Variants in GRID1 observed in about 807,000 individuals in gnomAD.
GRID1 encodes the protein glutamate ionotropic receptor delta type subunit 1.
GRID1 carries 28 observed loss-of-function variants against 98.0 expected under a neutral mutation model. The ratio of observed to expected loss-of-function variants is 0.29; its 90% CI spans 0.21 to 0.39. The LOEUF is 0.39. GRID1 is among the 10% of genes least tolerant of loss of function. GRID1 has a pLI of 1.00. For synonymous variants in GRID1, 553 were observed against 538.5 expected (o/e 1.03, Z -0.37); for missense variants, 1,111 against 1,340.5 (o/e 0.83, Z 2.67).
intron 4 of GRID1, among the ~76,000 whole-genome samples, chr10:86,038,005 G>A (rs527427501): frequency 8.2e-4 from 125 of 152,264 alleles, no homozygotes; most frequent in Admixed American, 1.5e-3. Context: ...AATATGACTG[G>A]TGTCCTTATA....
chr10:86,157,101 G>T lies in GRID1; in HGVS notation c.521-18077C>A, dbSNP rs528187188. Among the ~76,000 whole-genome samples the T allele has an allele frequency of 1.5e-3, 225 of 152,284 alleles. 1 individual carries two copies. Among genetic ancestry groups the T allele is most frequent in the African/African-American group, 5.3e-3 (222 of 41,548 alleles). On this transcript the variant is annotated intron_variant, in intron 3 of 15. Coordinates refer to ENST00000327946, the MANE Select transcript of GRID1 (RefSeq NM_017551.3). ...CAGGACCTCTGGAAGCCTGAAGGTG[G>T]CAATAGTGAATCCACGAAACAGAGA...
chr10:86,278,068 A>C (rs1049540818), intron 2 of GRID1, among the ~76,000 whole-genome samples: 1 of 152,136 alleles, frequency 6.6e-6, no homozygotes, highest in Admixed American at 6.5e-5. Context: ...TATTCTTATC[A>C]ATAACTACTT....
At chr10:86,062,520 T>C (rs1263875074) in intron 4 of GRID1, among the ~76,000 whole-genome samples, 1 of 152,118 alleles carries the variant, frequency 6.6e-6, no homozygotes, top group Non-Finnish European at 1.5e-5. Flanking sequence ...GAAAGACTTG[T>C]ACCAGAACCC....
At chr10:85,865,912 CATAT>C (rs375258556) in intron 6 of GRID1, among the ~76,000 whole-genome samples, 3,816 of 83,042 alleles carry the variant, frequency 0.046, 130 homozygotes, top group Middle Eastern at 0.087. Context: ...TACATATATA[CATAT>C]ATATATATAT....
chr10:85,677,741 G>C (rs1477844818), intron 12 of GRID1, among the ~76,000 whole-genome samples: 1 of 152,218 alleles, frequency 6.6e-6, no homozygotes, highest in Non-Finnish European at 1.5e-5. Context: ...CTACGAAGTA[G>C]TGTTTATGAG....
At chr10:85,838,648 G>A (rs1312801132) in intron 8 of GRID1, among the ~76,000 whole-genome samples, 33 of 152,126 alleles carry the variant, frequency 2.2e-4, no homozygotes, top group Admixed American at 2.2e-3. Flanking sequence ...GCTCTTGAAG[G>A]AAGCACTAAA....
chr10:86,062,148 T>C (rs1217766006), intron 4 of GRID1, among the ~76,000 whole-genome samples: 1 of 152,180 alleles, frequency 6.6e-6, no homozygotes, highest in Non-Finnish European at 1.5e-5. Context: ...CAAAACTTTG[T>C]TGTGCTTTGC....
chr10:85,922,721 A>C (rs562879886), intron 4 of GRID1, among the ~76,000 whole-genome samples: 2 of 152,320 alleles, frequency 1.3e-5, no homozygotes, highest in African/African-American at 4.8e-5. Context: ...ATTTGCAAGG[A>C]AGGGGTGTAG....
At chr10:86,229,519 G>A (rs538468069) in intron 2 of GRID1, among the ~76,000 whole-genome samples, 6 of 152,282 alleles carry the variant, frequency 3.9e-5, no homozygotes, top group African/African-American at 9.6e-5. Context: ...GCTGAGAGCC[G>A]AGCCTGACTC....
intron 6 of GRID1, among the ~76,000 whole-genome samples, chr10:85,863,014 T>C (rs1232732275): frequency 6.6e-6 from 1 of 152,142 alleles, no homozygotes; most frequent in Admixed American, 6.5e-5. Context: ...CTTGAGCAGC[T>C]ACAATGCAAA....
At chr10:86,137,802 G>A (rs751857847) in intron 4 of GRID1, among the ~76,000 whole-genome samples, 12 of 152,196 alleles carry the variant, frequency 7.9e-5, no homozygotes, top group Non-Finnish European at 1.5e-4. Flanking sequence ...ACCACATTAA[G>A]CATTCCAAAT....
At chr10:85,737,673 T>TATATATATATATATAAATATATAA (rs1342754070) in intron 8 of GRID1, among the ~76,000 whole-genome samples, 1 of 113,054 alleles carries the variant, frequency 8.8e-6, no homozygotes, top group Non-Finnish European at 1.8e-5. Flanking sequence ...TATATATATA[T>TATATATATATATATAAATATATAA]AAACATATAT....
At chr10:86,293,625 C>A (rs758444624) in intron 2 of GRID1, among the ~76,000 whole-genome samples, 1 of 152,252 alleles carries the variant, frequency 6.6e-6, no homozygotes. Context: ...CCTGCTGCTT[C>A]CAGCACCAGG....
chr10:85,705,070 G>A (rs1488733216), intron 12 of GRID1, among the ~76,000 whole-genome samples: 10 of 152,082 alleles, frequency 6.6e-5, no homozygotes, highest in East Asian at 5.8e-4. Flanking sequence ...CTAGAGAAGC[G>A]AGAGCAAACA....
intron 4 of GRID1, among the ~76,000 whole-genome samples, chr10:86,017,303 T>C (rs1842992185): frequency 6.6e-6 from 1 of 152,210 alleles, no homozygotes; most frequent in South Asian, 2.1e-4. Flanking sequence ...CTCCATCTTC[T>C]TTCTCTGCTT....
At chr10:85,766,654 A>G (rs1462544416) in intron 8 of GRID1, among the ~76,000 whole-genome samples, 1 of 152,012 alleles carries the variant, frequency 6.6e-6, no homozygotes, top group Non-Finnish European at 1.5e-5. Flanking sequence ...AAGGATTATC[A>G]TATGAGGAGA....
intron 5 of GRID1, among the ~76,000 whole-genome samples, chr10:85,887,317 C>T (rs1181581172): frequency 6.6e-6 from 1 of 152,176 alleles, no homozygotes; most frequent in East Asian, 1.9e-4. Context: ...GAAGAAGGGG[C>T]ATCTTCTGAG....
chr10:85,777,874 C>T (rs1381265662), intron 8 of GRID1, among the ~76,000 whole-genome samples: 1 of 152,192 alleles, frequency 6.6e-6, no homozygotes, highest in Non-Finnish European at 1.5e-5. Context: ...TCATCAGACA[C>T]TCTTGTACGC....
intron 4 of GRID1, among the ~76,000 whole-genome samples, chr10:86,010,447 C>T (rs1842910675): frequency 6.6e-6 from 1 of 152,100 alleles, no homozygotes; most frequent in Admixed American, 6.5e-5. Context: ...GGCAGGGTGC[C>T]CAGGGACCAG....
Sources: allele counts gnomAD v4.1 joint callset (sites outside exome capture counted in the v4.1 genomes callset), GRCh38; gene constraint gnomAD v4.1.1; transcripts MANE v1.5; gene names NCBI Gene and HGNC (gene_info 2026-07-23, HGNC 2026-07-21).